Variants in LRRTM4 observed in about 807,000 individuals in gnomAD.
LRRTM4 encodes leucine rich repeat transmembrane neuronal 4.
Under a neutral mutation model 47.6 loss-of-function variants are expected in LRRTM4, and 25 were observed. That is an observed-to-expected ratio of 0.53 (90% CI 0.38 to 0.73). The LOEUF is 0.73. LRRTM4 is among the 30% of genes least tolerant of loss of function. The probability of loss-of-function intolerance (pLI) is 0.00; values close to 1 mark genes in which losing one functional copy is unlikely to be tolerated. For synonymous variants in LRRTM4, 311 were observed against 269.5 expected, an observed-to-expected ratio of 1.15 and a Z score of -1.51; for missense variants, 638 against 713.4, an observed-to-expected ratio of 0.89 and a Z score of 1.20.
chr2:76,857,423 C>T (rs1234619047), intron 3 of LRRTM4, among the ~76,000 whole-genome samples: 2 of 151,050 alleles, frequency 1.3e-5, no homozygotes, highest in Non-Finnish European at 2.9e-5. Flanking sequence ...TGTTATTTGA[C>T]TGATTATGTT....
At chr2:77,454,238 C>T (rs1472564394) in intron 3 of LRRTM4, among the ~76,000 whole-genome samples, 4 of 152,102 alleles carry the variant, frequency 2.6e-5, no homozygotes, top group Non-Finnish European at 5.9e-5. Flanking sequence ...GGTAGTTTCA[C>T]TTATTCTTTA....
intron 3 of LRRTM4, among the ~76,000 whole-genome samples, chr2:77,400,282 G>A (rs1673896375): frequency 6.6e-6 from 1 of 151,664 alleles, no homozygotes; most frequent in Non-Finnish European, 1.5e-5. Context: ...GCCTACAGCT[G>A]AGTAATTGGC....
chr2:77,024,098 A>G (rs2104112808), intron 3 of LRRTM4, among the ~76,000 whole-genome samples: 1 of 152,302 alleles, frequency 6.6e-6, no homozygotes, highest in East Asian at 1.9e-4. Flanking sequence ...TGATAAAACC[A>G]TCAGATCTCA....
intron 3 of LRRTM4, among the ~76,000 whole-genome samples, chr2:77,130,093 T>A (rs989801606): frequency 6.6e-6 from 1 of 152,214 alleles, no homozygotes; most frequent in Non-Finnish European, 1.5e-5. Flanking sequence ...CAAAGATGTT[T>A]GAAGTGTGGC....
rs538655115 is a variant in LRRTM4 at position 77,296,097 on chromosome 2, T to C, written c.1551+222221A>G. On this transcript the variant is annotated intron_variant, in intron 3 of 3. Coordinates refer to ENST00000409884, the MANE Select transcript of LRRTM4 (RefSeq NM_001134745.3). ...TACTGTTTTGCTCTGACAGATATAT[T>C]AGATTAAATAATGCAAATATTTCTT... 1.4e-4 allele frequency among the ~76,000 whole-genome samples: 22 copies of C among 152,354 alleles called. No individual in the cohort carries two copies. In the East Asian group the frequency reaches 4.0e-3, roughly 28 times the overall value.
At chr2:77,170,770 T>C (rs540857279) in intron 3 of LRRTM4, among the ~76,000 whole-genome samples, 3 of 117,114 alleles carry the variant, frequency 2.6e-5, no homozygotes, top group African/African-American at 6.1e-5. Context: ...TAAATGATCA[T>C]AGGAATTTCT....
chr2:77,081,314 A>C (rs1680524912), intron 3 of LRRTM4, among the ~76,000 whole-genome samples: 1 of 151,680 alleles, frequency 6.6e-6, no homozygotes, highest in East Asian at 1.9e-4. Context: ...GAAAAGAGCA[A>C]AATGTTTAAC....
At chr2:76,996,709 G>A (rs1677215434) in intron 3 of LRRTM4, among the ~76,000 whole-genome samples, 2 of 152,100 alleles carry the variant, frequency 1.3e-5, no homozygotes, top group African/African-American at 4.8e-5. Flanking sequence ...ATCTTTAGGA[G>A]CAAATGCACA....
At chr2:76,854,358 A>G (rs1472874216) in intron 3 of LRRTM4, among the ~76,000 whole-genome samples, 2 of 152,234 alleles carry the variant, frequency 1.3e-5, no homozygotes, top group East Asian at 3.9e-4. Context: ...CTTTTCCCTC[A>G]ATAAATGTAT....
chr2:76,780,420 T>C (rs531877786), intron 3 of LRRTM4, among the ~76,000 whole-genome samples: 2 of 152,310 alleles, frequency 1.3e-5, no homozygotes, highest in South Asian at 4.2e-4. Flanking sequence ...GATTTGGTCT[T>C]TTCACATAGT....
intron 3 of LRRTM4, among the ~76,000 whole-genome samples, chr2:77,439,100 A>C (rs1675729240): frequency 6.6e-6 from 1 of 152,216 alleles, no homozygotes. Context: ...TGTAAAGCTC[A>C]GAACCATCAG....
chr2:76,831,395 G>C (rs1223201637), intron 3 of LRRTM4, among the ~76,000 whole-genome samples: 3 of 152,074 alleles, frequency 2.0e-5, no homozygotes, highest in African/African-American at 7.2e-5. Flanking sequence ...ACATCATATT[G>C]TTGACTCTGT....
chr2:77,094,676 T>G (rs1670759017), intron 3 of LRRTM4, among the ~76,000 whole-genome samples: 1 of 152,136 alleles, frequency 6.6e-6, no homozygotes, highest in African/African-American at 2.4e-5. Flanking sequence ...AAACACACAT[T>G]GGGTCAAGGT....
chr2:77,084,342 G>A (rs577735422), intron 3 of LRRTM4, among the ~76,000 whole-genome samples: 2 of 152,252 alleles, frequency 1.3e-5, no homozygotes, highest in East Asian at 3.9e-4. Flanking sequence ...GGCACTGAAG[G>A]GTGATGAGAT....
At chr2:77,373,829 A>G (rs548833027) in intron 3 of LRRTM4, among the ~76,000 whole-genome samples, 1 of 151,932 alleles carries the variant, frequency 6.6e-6, no homozygotes, top group Admixed American at 6.6e-5. Context: ...ACACAGAGCT[A>G]GAAAAGTCTA....
At chr2:76,928,196 C>A (rs1573325504) in intron 3 of LRRTM4, among the ~76,000 whole-genome samples, 1 of 152,174 alleles carries the variant, frequency 6.6e-6, no homozygotes, top group South Asian at 2.1e-4. Flanking sequence ...TTTAGAATCA[C>A]ATCTCATATC....
chr2:77,375,768 T>C (rs898554526), intron 3 of LRRTM4, among the ~76,000 whole-genome samples: 1 of 151,748 alleles, frequency 6.6e-6, no homozygotes, highest in African/African-American at 2.4e-5. Flanking sequence ...CCGGATTTCT[T>C]TCTTTTCCAA....
At chr2:76,807,463 T>TATACAC (rs1558667610) in intron 3 of LRRTM4, among the ~76,000 whole-genome samples, 48 of 99,496 alleles carry the variant, frequency 4.8e-4, no homozygotes, top group African/African-American at 1.2e-3. Context: ...TATATACATA[T>TATACAC]ATATATACAT....
chr2:77,013,629 TTGTCTTCAGTG>T (rs1379182803), intron 3 of LRRTM4, among the ~76,000 whole-genome samples: 1 of 152,138 alleles, frequency 6.6e-6, no homozygotes, highest in African/African-American at 2.4e-5. Flanking sequence ...AGTCTTTGGC[TTGTCTTCAGTG>T]GAAGCAACAA....
Sources: allele counts gnomAD v4.1 joint callset (sites outside exome capture counted in the v4.1 genomes callset), GRCh38; gene constraint gnomAD v4.1.1; transcripts MANE v1.5; gene names NCBI Gene and HGNC (gene_info 2026-07-23, HGNC 2026-07-21).